CA7: variants seen among roughly 807,000 people sequenced by gnomAD.
CA7 encodes the protein carbonic anhydrase 7.
A neutral mutation model predicts 31.4 loss-of-function variants in CA7; 13 were observed. That is an observed-to-expected ratio of 0.41 (90% CI 0.27 to 0.66). The LOEUF (loss-of-function observed/expected upper bound fraction) is 0.66. CA7 is among the 30% of genes least tolerant of loss of function. CA7 has a pLI of 0.28. For synonymous variants in CA7, 128 were observed against 133.2 expected (o/e 0.96, Z 0.27); for missense variants, 215 against 351.0 (o/e 0.61, Z 3.10).
chr16:66,850,695 A>G lies in CA7; in HGVS notation c.357+36A>G, dbSNP rs768612853. The G allele has an allele frequency of 6.3e-6, 9 of 1,427,680 alleles. No homozygotes were observed. In the South Asian group the frequency reaches 9.2e-5, roughly 15 times the overall value. 88.4% of individuals were successfully genotyped at this position (1,427,680 alleles called of 1,614,324 possible). A position where few individuals can be genotyped will look rare whatever the true frequency, so the allele number is the denominator to read the frequency against. On this transcript the variant is annotated intron_variant, in intron 3 of 6. Transcript: ENST00000338437. ...TCCTCCACTTGAATCCCTCTGCTAC[A>G]TGGGAAGGAACGCAGGCCTGGGTAG...
At chr16:66,848,654 C>G (rs1053559078) in intron 2 of CA7, among the ~76,000 whole-genome samples, 1 of 152,182 alleles carries the variant, frequency 6.6e-6, no homozygotes, top group Non-Finnish European at 1.5e-5. Flanking sequence ...AGAGGTCAGA[C>G]GGGTTGATGC....
chr16:66,844,840 C>G, intron 1 of CA7: 1 of 974,588 alleles, frequency 1.0e-6, no homozygotes, highest in Non-Finnish European at 1.3e-6. Flanking sequence ...CACTCACTCG[C>G]CCCGGGCGTG....
intron 3 of CA7, among the ~76,000 whole-genome samples, chr16:66,851,114 AC>A (rs2145383430): frequency 6.6e-6 from 1 of 151,722 alleles, no homozygotes; most frequent in Admixed American, 6.6e-5. Context: ...CCCTCTGATA[AC>A]CCTCTGCTTA....
chr16:66,853,666 TG>T lies in CA7; in HGVS notation c.*172del. On this transcript the variant is annotated 3_prime_UTR_variant, in exon 7 of 7. Transcript: ENST00000338437. This position sits in a 1 kb window ranked among gnomAD's most constrained non-coding sequence, Gnocchi z 4.5. ...GGCTTCTGGATGGGACCCTTGAGTC[TG>T]GGGCACCCTTCAGCTGCCCTGGGGA... The T allele has an allele frequency of 1.2e-6, 1 of 816,550 alleles. No individual in the cohort carries two copies. The highest frequency in any genetic ancestry group is 1.9e-6 in the Non-Finnish European group (1 of 533,924). The allele number at this position is 816,550 out of a possible 1,614,324, so 50.6% of individuals were successfully genotyped here.
rs1034470522 is a variant in CA7 at position 66,852,879 on chromosome 16, C to T, written c.672+12C>T. On this transcript the variant is annotated intron_variant, in intron 6 of 6. Transcript: ENST00000338437. ...TCTCTGAAAGGCAGGTGAGTCCTCT[C>T]AGAGGACCAGATGGAGGGACATGGC... is the stretch of plus-strand genomic sequence containing the variant. 9 of 1,610,262 alleles carry T rather than the reference C, an allele frequency of 5.6e-6. No individual in the cohort carries two copies. Among genetic ancestry groups the T allele is most frequent in the Non-Finnish European group, 7.6e-6 (9 of 1,177,628 alleles).
In CA7 at chr16:66,853,021, G is replaced by T. The variant is rs1961098320; in HGVS notation, c.672+154G>T. ...TAAATGTATAGATTCTTGGTTGGGA[G>T]TTAGCTTGATTGTTAATCACCAGAA... On this transcript the variant is annotated intron_variant, in intron 6 of 6. Coordinates refer to ENST00000338437, the MANE Select transcript of CA7 (RefSeq NM_005182.3). The surrounding 1 kb of genome is among the most constrained non-coding windows in gnomAD (Gnocchi z 4.5). 1.3e-5 allele frequency among the ~76,000 whole-genome samples: 2 copies of T among 152,230 alleles called. No homozygotes were observed. The highest frequency in any genetic ancestry group is 2.9e-5 in the Non-Finnish European group (2 of 68,038).
At chr16:66,850,728 C>A in intron 3 of CA7, 69 bp downstream of exon 3, 1 of 1,149,426 alleles carries the variant, frequency 8.7e-7, no homozygotes, top group Non-Finnish European at 1.3e-6. Context: ...TAGTCAGGGG[C>A]TTGAGGATGC....
chr16:66,844,624 G>C (rs1331250260), intron 1 of CA7, 97 bp downstream of exon 1: 1 of 1,081,050 alleles, frequency 9.3e-7, no homozygotes, highest in Non-Finnish European at 1.3e-6. Flanking sequence ...AGACCGGAAA[G>C]CTCCCACACT....
intron 1 of CA7, among the ~76,000 whole-genome samples, chr16:66,845,926 G>C (rs1183696869): frequency 1.3e-5 from 2 of 152,188 alleles, no homozygotes; most frequent in Non-Finnish European, 2.9e-5. Context: ...GTGTTCACAG[G>C]GCTTCAAAAA....
intron 2 of CA7, among the ~76,000 whole-genome samples, chr16:66,849,143 A>C (rs1005096376): frequency 1.3e-5 from 2 of 152,000 alleles, no homozygotes; most frequent in Non-Finnish European, 2.9e-5. Flanking sequence ...GGCTCCCTCC[A>C]CCTCCAGATC....
chr16:66,852,418 G>A (rs1194505542), intron 5 of CA7, among the ~76,000 whole-genome samples: 2 of 150,798 alleles, frequency 1.3e-5, no homozygotes, highest in African/African-American at 2.4e-5. Flanking sequence ...AGCCGAGATC[G>A]TGCCACTGCA....
intron 2 of CA7, among the ~76,000 whole-genome samples, chr16:66,850,148 A>G (rs1961009211): frequency 1.3e-5 from 2 of 151,430 alleles, no homozygotes; most frequent in African/African-American, 2.4e-5. Flanking sequence ...AAAAAAGGAA[A>G]AATGTATCTC....
At chr16:66,850,776 C>T (rs149433141) in intron 3 of CA7, 117 bp downstream of exon 3, 514 of 744,590 alleles carry the variant, frequency 6.9e-4, no homozygotes, top group Middle Eastern at 1.1e-3. Flanking sequence ...GAGGAGCACC[C>T]GGGGCCTTTG....
At chr16:66,852,507 G>GGGAA (rs149861535) in intron 5 of CA7, among the ~76,000 whole-genome samples, 84 of 135,748 alleles carry the variant, frequency 6.2e-4, no homozygotes, top group Admixed American at 2.5e-3. Flanking sequence ...AGAGAGAGAG[G>GGGAA]GGAAGGAAGG....
chr16:66,848,727 G>C (rs996013045), intron 2 of CA7, among the ~76,000 whole-genome samples: 2 of 152,184 alleles, frequency 1.3e-5, no homozygotes, highest in Admixed American at 1.3e-4. Flanking sequence ...TGTGTGAACT[G>C]GGGGAGGAGG....
intron 1 of CA7, among the ~76,000 whole-genome samples, chr16:66,846,749 AC>A (rs1377185496): frequency 1.8e-4 from 27 of 152,142 alleles, no homozygotes; most frequent in Admixed American, 1.8e-3. Flanking sequence ...ACTCTGAGCC[AC>A]CCCGAGCCTG....
At chr16:66,847,630 A>G (rs1167338319) in intron 2 of CA7, among the ~76,000 whole-genome samples, 1 of 152,208 alleles carries the variant, frequency 6.6e-6, no homozygotes, top group Non-Finnish European at 1.5e-5. Flanking sequence ...GAAGGGAGCT[A>G]AAATTTACAA....
chr16:66,850,777 G>C, intron 3 of CA7, 118 bp downstream of exon 3: 1 of 722,340 alleles, frequency 1.4e-6, no homozygotes, highest in Non-Finnish European at 2.5e-6. Context: ...AGGAGCACCC[G>C]GGGCCTTTGG....
At chr16:66,848,457 G>A (rs1436524996) in intron 2 of CA7, among the ~76,000 whole-genome samples, 1 of 152,212 alleles carries the variant, frequency 6.6e-6, no homozygotes, top group Admixed American at 6.5e-5. Flanking sequence ...GTAGCTCAAT[G>A]AAGGCCACTG....
Sources: allele counts gnomAD v4.1 joint callset (sites outside exome capture counted in the v4.1 genomes callset), GRCh38; gene constraint gnomAD v4.1.1; non-coding constraint Gnocchi (gnomAD v3.1); transcripts MANE v1.5; gene names NCBI Gene and HGNC (gene_info 2026-07-23, HGNC 2026-07-21).